Variants in SGCG observed in about 807,000 individuals in gnomAD.
SGCG encodes gamma-sarcoglycan.
In SGCG, 26 loss-of-function variants were observed where a neutral mutation model predicts 29.3. The observed-to-expected ratio is 0.89, with a 90% confidence interval of 0.65 to 1.23. The LOEUF is 1.23. Among genes scored for constraint, SGCG ranks in the 50% most tolerant of loss-of-function variants. The pLI is 0.00. For synonymous variants in SGCG, 145 were observed against 129.7 expected, an observed-to-expected ratio of 1.12 and a Z score of -0.80; for missense variants, 353 against 356.0, an observed-to-expected ratio of 0.99 and a Z score of 0.07.
At chr13:23,198,228 T>G (rs1414335226) in intron 1 of SGCG, among the ~76,000 whole-genome samples, 2 of 150,624 alleles carry the variant, frequency 1.3e-5, no homozygotes, top group Non-Finnish European at 2.9e-5. Flanking sequence ...ATCCTTGCAT[T>G]TATCATCTTT....
At chr13:23,260,225 C>G (rs1297295976) in intron 4 of SGCG, among the ~76,000 whole-genome samples, 1 of 152,142 alleles carries the variant, frequency 6.6e-6, no homozygotes, top group Non-Finnish European at 1.5e-5. Context: ...AATCTGGGTG[C>G]TCCTGTATTG....
At chr13:23,314,187 TATAGAGAG>T (rs1882709868) in intron 6 of SGCG, among the ~76,000 whole-genome samples, 1 of 96,868 alleles carries the variant, frequency 1.0e-5, no homozygotes, top group East Asian at 2.3e-4. Flanking sequence ...TATATATATA[TATAGAGAG>T]AGAGAGAGAG....
intron 2 of SGCG, among the ~76,000 whole-genome samples, chr13:23,219,827 CTTTTTTTTTTTTTT>C (rs1184090222): frequency 1.0e-5 from 1 of 99,204 alleles, no homozygotes; most frequent in African/African-American, 3.6e-5. Context: ...ATTTCTTTTC[CTTTTTTTTTTTTTT>C]TTTTTTTTGA....
At chr13:23,278,398 G>A (rs901894520) in intron 4 of SGCG, among the ~76,000 whole-genome samples, 1 of 149,454 alleles carries the variant, frequency 6.7e-6, no homozygotes, top group African/African-American at 2.5e-5. Flanking sequence ...AGCGGAGATC[G>A]CACCATTGCA....
intron 2 of SGCG, among the ~76,000 whole-genome samples, chr13:23,228,820 A>C (rs563627769): frequency 3.3e-5 from 5 of 152,142 alleles, no homozygotes; most frequent in African/African-American, 4.8e-5. Flanking sequence ...TTATGGCTGC[A>C]TAGTATTCCA....
chr13:23,324,603 C>A lies in SGCG; in HGVS notation c.*62C>A. 1 of 1,445,082 alleles carries A rather than the reference C, an allele frequency of 6.9e-7. No individual in the cohort carries two copies. Among genetic ancestry groups the A allele is most frequent in the Non-Finnish European group, 9.6e-7 (1 of 1,039,154 alleles). 89.5% of individuals were successfully genotyped at this position (1,445,082 alleles called of 1,614,324 possible). On this transcript the variant is annotated 3_prime_UTR_variant, in exon 8 of 8. Coordinates refer to ENST00000218867, the MANE Select transcript of SGCG (RefSeq NM_000231.3). ...GCCCCAGATCCTCACACCCAGGGAG[C>A]AGCTGCACATCGTGAAAGACTGAGG...
intron 4 of SGCG, among the ~76,000 whole-genome samples, chr13:23,267,098 T>C (rs959362899): frequency 8.5e-5 from 13 of 152,252 alleles, no homozygotes; most frequent in African/African-American, 2.9e-4. Flanking sequence ...GTTCACTTTC[T>C]TTCTATTTCC....
chr13:23,259,790 T>A (rs1474201579), intron 4 of SGCG, among the ~76,000 whole-genome samples: 1 of 152,212 alleles, frequency 6.6e-6, no homozygotes, highest in Non-Finnish European at 1.5e-5. Flanking sequence ...TCTGCCTTCA[T>A]TTCATTATTT....
intron 2 of SGCG, among the ~76,000 whole-genome samples, chr13:23,204,967 T>C (rs944031176): frequency 1.3e-5 from 2 of 152,034 alleles, no homozygotes; most frequent in Admixed American, 6.6e-5. Flanking sequence ...TTTTTACATA[T>C]GCAAAGAGGT....
At chr13:23,238,172 A>G (rs1180462604) in intron 3 of SGCG, among the ~76,000 whole-genome samples, 2 of 152,158 alleles carry the variant, frequency 1.3e-5, no homozygotes, top group African/African-American at 4.8e-5. Context: ...CCAGGCTGCA[A>G]TGAGGGAGGG....
At chr13:23,202,942 T>A (rs920558495) in intron 1 of SGCG, among the ~76,000 whole-genome samples, 1 of 152,098 alleles carries the variant, frequency 6.6e-6, no homozygotes, top group Non-Finnish European at 1.5e-5. Context: ...AAATGAATAA[T>A]TTTTTAAGTT....
At chr13:23,293,381 G>T (rs1289008627) in intron 5 of SGCG, among the ~76,000 whole-genome samples, 1 of 151,972 alleles carries the variant, frequency 6.6e-6, no homozygotes, top group Non-Finnish European at 1.5e-5. Flanking sequence ...TTTTGCTTTT[G>T]TGCCACAAGC....
chr13:23,195,700 A>G (rs1877472657), intron 1 of SGCG, among the ~76,000 whole-genome samples: 1 of 151,870 alleles, frequency 6.6e-6, no homozygotes, highest in Non-Finnish European at 1.5e-5. Flanking sequence ...GTGTATAATA[A>G]GGGTATTATT....
chr13:23,197,201 G>A (rs549868582), intron 1 of SGCG, among the ~76,000 whole-genome samples: 3 of 152,084 alleles, frequency 2.0e-5, no homozygotes, highest in Non-Finnish European at 2.9e-5. Flanking sequence ...TTATGCATTC[G>A]TGTGTTCAAC....
the SGCG span, among the ~76,000 whole-genome samples, chr13:23,167,917 G>C: frequency 2.6e-5 from 4 of 152,078 alleles, no homozygotes; most frequent in Non-Finnish European, 5.9e-5. Flanking sequence ...ATTTTTAGTA[G>C]AGACGAGGTT....
chr13:23,274,394 T>C (rs992791194), intron 4 of SGCG, among the ~76,000 whole-genome samples: 2 of 109,030 alleles, frequency 1.8e-5, no homozygotes, highest in East Asian at 2.5e-4. Context: ...TCTTTCTTTC[T>C]CTTTTTTTTT....
At chr13:23,252,641 A>G (rs953587901) in intron 4 of SGCG, among the ~76,000 whole-genome samples, 1 of 152,168 alleles carries the variant, frequency 6.6e-6, no homozygotes, top group Non-Finnish European at 1.5e-5. Flanking sequence ...CAGTGAGCCA[A>G]GATCGCATCA....
At chr13:23,304,508 C>T (rs1407791542) in intron 6 of SGCG, among the ~76,000 whole-genome samples, 4 of 152,084 alleles carry the variant, frequency 2.6e-5, no homozygotes, top group South Asian at 4.2e-4. Context: ...TGTCTCTATA[C>T]ACTTGGGGCT....
chr13:23,204,600 CTTTCTTTTCTTTCT>C (rs1877906896), intron 2 of SGCG, among the ~76,000 whole-genome samples: 1 of 150,066 alleles, frequency 6.7e-6, no homozygotes, highest in Non-Finnish European at 1.5e-5. Context: ...TCTTTCTTTT[CTTTCTTTTCTTTCT>C]TTTCTTTCTT....
Sources: allele counts gnomAD v4.1 joint callset (sites outside exome capture counted in the v4.1 genomes callset), GRCh38; gene constraint gnomAD v4.1.1; transcripts MANE v1.5; gene names NCBI Gene and HGNC (gene_info 2026-07-23, HGNC 2026-07-21).